Variants in SGCZ observed in about 807,000 individuals in gnomAD.
SGCZ encodes the protein zeta-sarcoglycan.
In SGCZ, 40 loss-of-function variants were observed where a neutral mutation model predicts 41.3. The observed-to-expected ratio is 0.97, with a 90% CI of 0.75 to 1.26. The LOEUF is 1.26. SGCZ is among the 50% of genes most tolerant of loss of function. The pLI is 0.00. For missense variants in SGCZ, 552 were observed against 369.8 expected (o/e 1.49, Z -4.04); for synonymous variants, 206 against 137.5 (o/e 1.50, Z -3.49).
chr8:15,171,138 C>A (rs970613363), intron 1 of SGCZ, among the ~76,000 whole-genome samples: 1 of 152,142 alleles, frequency 6.6e-6, no homozygotes, highest in African/African-American at 2.4e-5. Context: ...TTGGAGCTGA[C>A]TTTCTAGACA....
chr8:14,273,789 G>A (rs900395523), intron 3 of SGCZ, among the ~76,000 whole-genome samples: 13 of 152,008 alleles, frequency 8.6e-5, no homozygotes, highest in East Asian at 1.9e-4. Context: ...AATGAGCATC[G>A]TAATAGCCTC....
At chr8:14,583,725 T>G (rs1438912911) in intron 1 of SGCZ, among the ~76,000 whole-genome samples, 1 of 152,100 alleles carries the variant, frequency 6.6e-6, no homozygotes, top group Non-Finnish European at 1.5e-5. Flanking sequence ...TAATTTGTCT[T>G]TAATACTTTT....
Position 14,733,102 on chromosome 8 carries a change from ACAAT to A in SGCZ, c.40-178180_40-178177del, listed in dbSNP as rs143683041. On this transcript the variant is annotated intron_variant, in intron 1 of 7. Transcript: ENST00000382080. ...TGTGAGCATGACACTGACAAGTAAAACAATCAATCCACAGCCCATATCTCAAACA... is the reference window on the plus strand; with the variant it reads ...TGTGAGCATGACACTGACAAGTAAAACAATCCACAGCCCATATCTCAAACA... Among the ~76,000 whole-genome samples, 155 of 152,236 alleles carry A rather than the reference ACAAT, an allele frequency of 1.0e-3. 1 individual carries two copies. Among genetic ancestry groups the A allele is most frequent in the African/African-American group, 3.5e-3 (145 of 41,538 alleles).
At chr8:14,665,900 T>C (rs532836293) in intron 1 of SGCZ, among the ~76,000 whole-genome samples, 2 of 152,298 alleles carry the variant, frequency 1.3e-5, no homozygotes, top group African/African-American at 4.8e-5. Context: ...AGTTATGTTT[T>C]CACTTTCATT....
chr8:14,780,828 G>A (rs542329262), intron 1 of SGCZ, among the ~76,000 whole-genome samples: 2 of 152,030 alleles, frequency 1.3e-5, no homozygotes, highest in Admixed American at 6.5e-5. Flanking sequence ...ACTTCCAGAG[G>A]AATGATTTTT....
intron 1 of SGCZ, among the ~76,000 whole-genome samples, chr8:14,815,345 A>ATT: frequency 6.6e-6 from 1 of 151,668 alleles, no homozygotes; most frequent in South Asian, 2.1e-4. Flanking sequence ...AATAAAATTA[A>ATT]TTATTACATT....
At chr8:14,520,568 A>C (rs1035236701) in intron 2 of SGCZ, among the ~76,000 whole-genome samples, 1 of 152,126 alleles carries the variant, frequency 6.6e-6, no homozygotes, top group Non-Finnish European at 1.5e-5. Flanking sequence ...CCCTAGATTT[A>C]ATTGTACTGA....
chr8:14,704,949 TAA>T (rs1190357191), intron 1 of SGCZ, among the ~76,000 whole-genome samples: 7 of 151,984 alleles, frequency 4.6e-5, no homozygotes, highest in African/African-American at 1.7e-4. Flanking sequence ...TGGTAATAGC[TAA>T]AACATATAAA....
chr8:14,205,576 C>A (rs1805590205), intron 4 of SGCZ, among the ~76,000 whole-genome samples: 1 of 152,158 alleles, frequency 6.6e-6, no homozygotes, highest in East Asian at 1.9e-4. Context: ...AAACTTTTCT[C>A]CCTAAATGAT....
chr8:14,258,726 CCA>C (rs1799550837), intron 3 of SGCZ, among the ~76,000 whole-genome samples: 2 of 152,074 alleles, frequency 1.3e-5, no homozygotes, highest in South Asian at 4.2e-4. Flanking sequence ...CAGGCAAAAC[CCA>C]CATTAAACTG....
chr8:14,484,519 G>A (rs1278102155), intron 2 of SGCZ, among the ~76,000 whole-genome samples: 1 of 151,998 alleles, frequency 6.6e-6, no homozygotes, highest in East Asian at 1.9e-4. Context: ...GCAGTTTCCC[G>A]GTTTTTTTAC....
intron 1 of SGCZ, among the ~76,000 whole-genome samples, chr8:15,158,573 G>C (rs953863838): frequency 1.3e-5 from 2 of 152,148 alleles, no homozygotes; most frequent in African/African-American, 4.8e-5. Context: ...AGCATATTCA[G>C]AATACTAAGG....
At chr8:14,796,996 G>C (rs928023067) in intron 1 of SGCZ, among the ~76,000 whole-genome samples, 1 of 152,150 alleles carries the variant, frequency 6.6e-6, no homozygotes, top group African/African-American at 2.4e-5. Context: ...TGAACCACAA[G>C]TCAATTAAAC....
chr8:14,755,510 A>G (rs966611189), intron 1 of SGCZ, among the ~76,000 whole-genome samples: 1 of 152,190 alleles, frequency 6.6e-6, no homozygotes, highest in Non-Finnish European at 1.5e-5. Context: ...ATAATTGTCT[A>G]TGATAGTCTT....
chr8:14,272,414 G>C (rs942956182), intron 3 of SGCZ, among the ~76,000 whole-genome samples: 5 of 152,334 alleles, frequency 3.3e-5, no homozygotes, highest in African/African-American at 1.2e-4. Context: ...ATAACCACCA[G>C]TGTTCTGGTA....
chr8:14,276,373 A>G (rs945022876), intron 3 of SGCZ, among the ~76,000 whole-genome samples: 1 of 152,120 alleles, frequency 6.6e-6, no homozygotes, highest in African/African-American at 2.4e-5. Context: ...GGTGACTGAA[A>G]CAGAGCAGAC....
chr8:14,584,774 C>G (rs1805006302), intron 1 of SGCZ, among the ~76,000 whole-genome samples: 1 of 151,952 alleles, frequency 6.6e-6, no homozygotes, highest in African/African-American at 2.4e-5. Flanking sequence ...TTATTAAACA[C>G]ATTTTCCGTG....
At chr8:15,085,732 T>C (rs181656726) in intron 1 of SGCZ, among the ~76,000 whole-genome samples, 29 of 152,314 alleles carry the variant, frequency 1.9e-4, no homozygotes, top group Admixed American at 2.6e-4. Flanking sequence ...TTTTTTCCTC[T>C]CTTGCCCACA....
chr8:14,584,221 A>C (rs1294150676), intron 1 of SGCZ, among the ~76,000 whole-genome samples: 1 of 152,178 alleles, frequency 6.6e-6, no homozygotes, highest in Non-Finnish European at 1.5e-5. Flanking sequence ...GCATTGAAAG[A>C]CAAGTAAAAT....
Sources: allele counts gnomAD v4.1 joint callset (sites outside exome capture counted in the v4.1 genomes callset), GRCh38; gene constraint gnomAD v4.1.1; transcripts MANE v1.5; gene names NCBI Gene and HGNC (gene_info 2026-07-23, HGNC 2026-07-21).